Variants in ANKRD28 observed in about 807,000 individuals in gnomAD.
ANKRD28 encodes serine/threonine-protein phosphatase 6 regulatory ankyrin repeat subunit A.
A neutral mutation model predicts 126.5 loss-of-function variants in ANKRD28; 44 were observed. The ratio of observed to expected loss-of-function variants is 0.35; its 90% CI spans 0.27 to 0.45. The LOEUF is 0.45. ANKRD28 is among the 20% of genes least tolerant of loss of function. The pLI is 1.00. For missense variants in ANKRD28, 1,110 were observed against 1,316.6 expected (o/e 0.84, Z 2.43); for synonymous variants, 442 against 468.5 (o/e 0.94, Z 0.73).
intron 1 of ANKRD28, among the ~76,000 whole-genome samples, chr3:15,825,543 T>C (rs2061045049): frequency 6.6e-6 from 1 of 151,992 alleles, no homozygotes; most frequent in Non-Finnish European, 1.5e-5. Context: ...AAAAAAAATT[T>C]GCAAATTTTT....
In ANKRD28 at chr3:15,843,149, C is replaced by G. The variant is rs553738901; in HGVS notation, c.27+16228G>C. ...AGAAGCTTTCAATCATGGTGGAAGG[C>G]AAAGAGGTAGCAGGCACATCACATG... On this transcript the variant is annotated intron_variant, in intron 1 of 27. Coordinates refer to the ANKRD28 transcript ENST00000399451. The surrounding 1 kb of genome is among the most constrained non-coding windows in gnomAD (Gnocchi z 5.2). Among the ~76,000 whole-genome samples the G allele has an allele frequency of 2.6e-5, 4 of 152,210 alleles. 1 individual carries two copies. The Middle Eastern group carries it at 0.014, about 518-fold the overall frequency.
chr3:15,736,214 T>A (rs747907278), intron 5 of ANKRD28, among the ~76,000 whole-genome samples: 1 of 152,244 alleles, frequency 6.6e-6, no homozygotes, highest in Non-Finnish European at 1.5e-5. Context: ...TACATTCATG[T>A]AACTTGTATT....
rs868134152 is a variant in ANKRD28 at position 15,814,996 on chromosome 3, C to T, written c.28-19690G>A. Among the ~76,000 whole-genome samples, 2 of 150,914 alleles carry T rather than the reference C, an allele frequency of 1.3e-5. No homozygotes were observed. The highest frequency in any genetic ancestry group is 3.0e-5 in the Non-Finnish European group (2 of 67,748). ...TTAACAATGTGGACCTTAAATATTC[C>T]GCAACACCCTGAATATGACATTCCA... On this transcript the variant is annotated intron_variant, in intron 1 of 27. Coordinates refer to the ANKRD28 transcript ENST00000399451. This position sits in a 1 kb window ranked among gnomAD's most constrained non-coding sequence, Gnocchi z 4.7.
chr3:15,849,384 T>C (rs1448866005), intron 1 of ANKRD28, among the ~76,000 whole-genome samples: 1 of 152,226 alleles, frequency 6.6e-6, no homozygotes, highest in African/African-American at 2.4e-5. Context: ...CACTTCCCAA[T>C]TTCAAACTTA....
chr3:15,781,133 A>G (rs577529534), intron 2 of ANKRD28, among the ~76,000 whole-genome samples: 2 of 152,260 alleles, frequency 1.3e-5, no homozygotes, highest in Admixed American at 6.5e-5. Context: ...AGCAAACCGT[A>G]TATTTGATAA....
At chr3:15,734,271 T>C (rs1202656417) in intron 6 of ANKRD28, among the ~76,000 whole-genome samples, 2 of 152,186 alleles carry the variant, frequency 1.3e-5, no homozygotes, top group East Asian at 3.8e-4. Context: ...TATTCCTCCA[T>C]TGAATCTTCT....
chr3:15,758,170 C>G (rs1296014602), intron 3 of ANKRD28, among the ~76,000 whole-genome samples: 1 of 152,144 alleles, frequency 6.6e-6, no homozygotes, highest in Non-Finnish European at 1.5e-5. Flanking sequence ...TGTTTTCTTC[C>G]TTGCTCCTAA....
At chr3:15,684,713 CT>C (rs2067909062) in intron 21 of ANKRD28, 1 of 153,106 alleles carries the variant, frequency 6.5e-6, no homozygotes, top group African/African-American at 2.5e-5. Flanking sequence ...TAGTGGGACT[CT>C]TAAAAAAAAA....
At chr3:15,731,636 T>G (rs2074603209) in intron 6 of ANKRD28, among the ~76,000 whole-genome samples, 1 of 151,954 alleles carries the variant, frequency 6.6e-6, no homozygotes, top group Non-Finnish European at 1.5e-5. Context: ...ATAGGGACAT[T>G]TGCAGAAGTT....
chr3:15,829,907 T>G (rs2061153423), intron 1 of ANKRD28, among the ~76,000 whole-genome samples: 1 of 151,852 alleles, frequency 6.6e-6, no homozygotes, highest in South Asian at 2.1e-4. Flanking sequence ...ACCATAATGT[T>G]AGTTGTTTTT....
Position 15,812,186 on chromosome 3 carries a change from C to G in ANKRD28, c.28-16880G>C, listed in dbSNP as rs1226433165. On this transcript the variant is annotated intron_variant, in intron 1 of 27. Coordinates refer to the ANKRD28 transcript ENST00000399451. The surrounding 1 kb of genome is among the most constrained non-coding windows in gnomAD (Gnocchi z 4.1). ...AAACAAAACAAAACGAAACCCAAAA[C>G]AACAATAAAATGTTTCTAAGATGAT... is the stretch of plus-strand genomic sequence containing the variant. Among the ~76,000 whole-genome samples the G allele has an allele frequency of 2.0e-5, 3 of 151,916 alleles. No homozygotes were observed. Among genetic ancestry groups the G allele is most frequent in the Non-Finnish European group, 4.4e-5 (3 of 67,964 alleles).
Position 15,817,498 on chromosome 3 carries a change from A to G in ANKRD28, c.28-22192T>C, listed in dbSNP as rs2060856638. Among the ~76,000 whole-genome samples the G allele has an allele frequency of 6.6e-6, 1 of 152,182 alleles. No individual in the cohort carries two copies. The highest frequency in any genetic ancestry group is 6.5e-5 in the Admixed American group (1 of 15,268). The stretch of plus-strand genomic sequence containing the variant: ...GCAGTGCAATAAGTGCTCTCCTAAA[A>G]GTTTGTTGTGTGTATCTGTGACAGA... On this transcript the variant is annotated intron_variant, in intron 1 of 27. Transcript: ENST00000399451. This position sits in a 1 kb window ranked among gnomAD's most constrained non-coding sequence, Gnocchi z 4.5.
intron 1 of ANKRD28, among the ~76,000 whole-genome samples, chr3:15,803,894 C>T (rs2060520468): frequency 6.9e-6 from 1 of 144,698 alleles, no homozygotes; most frequent in Non-Finnish European, 1.5e-5. Flanking sequence ...AGCATCTACC[C>T]TCATGACTTC....
At chr3:15,685,503 T>A in intron 20 of ANKRD28, 58 bp from the exon 21 acceptor site, 1 of 1,519,622 alleles carries the variant, frequency 6.6e-7, no homozygotes, top group Non-Finnish European at 9.1e-7. Flanking sequence ...TACATGCCAA[T>A]TTCAGCTAAT....
chr3:15,721,595 A>T (rs894106818), intron 7 of ANKRD28, among the ~76,000 whole-genome samples: 4 of 151,482 alleles, frequency 2.6e-5, no homozygotes, highest in South Asian at 2.1e-4. Flanking sequence ...ATCAAGATTT[A>T]AAAAAAAATG....
chr3:15,714,496 T>C, intron 9 of ANKRD28, 82 bp downstream of exon 9: 3 of 964,534 alleles, frequency 3.1e-6, no homozygotes, highest in Non-Finnish European at 4.5e-6. Context: ...AATTCCTCAA[T>C]ACCATTCATT....
intron 2 of ANKRD28, among the ~76,000 whole-genome samples, chr3:15,772,202 T>C (rs893934782): frequency 5.3e-5 from 8 of 151,806 alleles, no homozygotes; most frequent in Non-Finnish European, 1.2e-4. Flanking sequence ...AGCAGAAGGA[T>C]GAAAATGATA....
rs1219298624 is a variant in ANKRD28, at chr3:15,817,647, G to A, written c.28-22341C>T. Among the ~76,000 whole-genome samples, 2 of 151,992 alleles carry A rather than the reference G, an allele frequency of 1.3e-5. No individual in the cohort carries two copies. Among genetic ancestry groups the A allele is most frequent in the African/African-American group, 2.4e-5 (1 of 41,378 alleles). Reference sequence around the variant, plus strand: ...ACTAAGATTCCTTTGCTAAGTGATCGCTATACTGAGATTTATATATTTAAA... The same window carrying A: ...ACTAAGATTCCTTTGCTAAGTGATCACTATACTGAGATTTATATATTTAAA... On this transcript the variant is annotated intron_variant, in intron 1 of 27. Transcript: ENST00000399451. This position sits in a 1 kb window ranked among gnomAD's most constrained non-coding sequence, Gnocchi z 4.5.
At chr3:15,813,534 A>T (rs1250101740) in intron 1 of ANKRD28, among the ~76,000 whole-genome samples, 1 of 152,234 alleles carries the variant, frequency 6.6e-6, no homozygotes, top group East Asian at 1.9e-4. Context: ...CAAAAAGTAC[A>T]GCATACTGCA....
Sources: allele counts gnomAD v4.1 joint callset (sites outside exome capture counted in the v4.1 genomes callset), GRCh38; gene constraint gnomAD v4.1.1; non-coding constraint Gnocchi (gnomAD v3.1); transcripts MANE v1.5; gene names NCBI Gene and HGNC (gene_info 2026-07-23, HGNC 2026-07-21).